The following ST8SIA2 variants were observed in gnomAD, a reference collection of about 807,000 sequenced individuals.
The protein encoded by ST8SIA2 is ST8 alpha-N-acetyl-neuraminide alpha-2,8-sialyltransferase 2, also known as alpha-2,8-sialyltransferase 8B.
In ST8SIA2, 22 loss-of-function variants were observed where a neutral mutation model predicts 37.6. That is an observed-to-expected ratio of 0.58 (90% confidence interval 0.42 to 0.83). The LOEUF (loss-of-function observed/expected upper bound fraction) is 0.83. ST8SIA2 is among the 40% of genes least tolerant of loss of function. The probability of loss-of-function intolerance (pLI) is 0.00; values close to 1 mark genes in which losing one functional copy is unlikely to be tolerated. For synonymous variants in ST8SIA2, 205 were observed against 201.2 expected (o/e 1.02, Z -0.16); for missense variants, 382 against 484.7 (o/e 0.79, Z 1.99).
chr15:92,449,422 T>C (rs891514829), intron 5 of ST8SIA2, among the ~76,000 whole-genome samples: 2 of 152,356 alleles, frequency 1.3e-5, no homozygotes, highest in African/African-American at 4.8e-5. Context: ...TCTGGGCACC[T>C]AGTTTGATTC....
chr15:92,429,943 C>T (rs991340121), intron 1 of ST8SIA2, 106 bp from the exon 2 acceptor site: 2 of 1,232,164 alleles, frequency 1.6e-6, no homozygotes, highest in Non-Finnish European at 2.4e-6. Flanking sequence ...AGGTCTCTTC[C>T]ACCCTCTGTA....
intron 1 of ST8SIA2, among the ~76,000 whole-genome samples, chr15:92,410,006 G>A (rs2049537974): frequency 6.6e-6 from 1 of 152,262 alleles, no homozygotes; most frequent in South Asian, 2.1e-4. Flanking sequence ...GGAGGTGAGA[G>A]TTTCGGGGTC....
intron 1 of ST8SIA2, among the ~76,000 whole-genome samples, chr15:92,402,869 G>GAC (rs759069835): frequency 1.3e-5 from 2 of 150,944 alleles, no homozygotes; most frequent in South Asian, 4.2e-4. Context: ...GAGAGAGAGA[G>GAC]AGACACACTG....
intron 3 of ST8SIA2, among the ~76,000 whole-genome samples, chr15:92,436,986 G>C (rs1419529487): frequency 6.6e-6 from 1 of 152,152 alleles, no homozygotes; most frequent in Non-Finnish European, 1.5e-5. Flanking sequence ...AATACTTAAA[G>C]GTTCCCCAAG....
At chr15:92,416,257 TG>T (rs1210248954) in intron 1 of ST8SIA2, among the ~76,000 whole-genome samples, 1 of 134,968 alleles carries the variant, frequency 7.4e-6, no homozygotes, top group African/African-American at 2.8e-5. Context: ...TGAGGGAGAG[TG>T]GGGAGTGTGG....
rs1429886028 is a variant in ST8SIA2, at chr15:92,466,025, G to A, written c.*1640G>A. The A allele has an allele frequency of 1.4e-4, 22 of 152,192 alleles. No homozygotes were observed. The highest frequency in any genetic ancestry group is 3.2e-4 in the Non-Finnish European group (22 of 68,038). The allele number at this position is 152,192 out of a possible 1,614,324, so 9.4% of individuals were successfully genotyped here. ...AATCAAGACCTGCTCCTAAGCATAT[G>A]AGACCAGATGTAATTAATCAATGGC... On this transcript the variant is annotated 3_prime_UTR_variant, in exon 6 of 6. Coordinates refer to ENST00000268164, the MANE Select transcript of ST8SIA2 (RefSeq NM_006011.4).
chr15:92,400,906 C>T lies in ST8SIA2; in HGVS notation c.98+6744C>T, dbSNP rs186741836. ...GATGCTGGAAACTGAGTGTTAGAGA[C>T]GTTGACAGTAAGAAATGTGAGGTCA... On this transcript the variant is annotated intron_variant, in intron 1 of 5. Coordinates refer to ENST00000268164, the MANE Select transcript of ST8SIA2 (RefSeq NM_006011.4). Among the ~76,000 whole-genome samples the T allele has an allele frequency of 1.1e-3, 168 of 152,302 alleles. 1 individual carries two copies. The highest frequency in any genetic ancestry group is 3.9e-3 in the African/African-American group (161 of 41,564).
intron 5 of ST8SIA2, among the ~76,000 whole-genome samples, chr15:92,457,786 CAGG>C (rs979229099): frequency 5.9e-5 from 9 of 152,324 alleles, no homozygotes; most frequent in Admixed American, 5.9e-4. Context: ...AGACATCGCT[CAGG>C]AGTTCTTGTT....
chr15:92,446,487 A>G (rs972321194), intron 5 of ST8SIA2, among the ~76,000 whole-genome samples: 3 of 152,162 alleles, frequency 2.0e-5, no homozygotes, highest in Non-Finnish European at 4.4e-5. Context: ...GAAAGTGCCA[A>G]TTTGTGTACA....
At chr15:92,418,213 G>C (rs1294787510) in intron 1 of ST8SIA2, among the ~76,000 whole-genome samples, 2 of 151,992 alleles carry the variant, frequency 1.3e-5, no homozygotes, top group African/African-American at 4.8e-5. Flanking sequence ...CAGCAGTTTG[G>C]GAGGCTGAGC....
chr15:92,394,131 G>A lies in ST8SIA2; in HGVS notation c.67G>A (p.Ala23Thr). 2 of 1,560,240 alleles carry A rather than the reference G, an allele frequency of 1.3e-6. No homozygotes were observed. The highest frequency in any genetic ancestry group is 2.4e-5 in the South Asian group (2 of 84,692). ...LTLLVVFLIF[A>T]DISEIEEEIG... is the part of the protein sequence containing the mutation. ...GCTGCTCGTGGTCTTCCTCATCTTC[G>A]CAGACATCTCAGAGATCGAAGAAGA... Residue 23 changes from alanine to threonine, a missense_variant, in exon 1 of 6, where the codon GCA becomes ACA. Physicochemically the swap from Ala to Thr is moderately conservative, Grantham distance 58 (BLOSUM62 0). Transcript: ENST00000268164.
intron 5 of ST8SIA2, among the ~76,000 whole-genome samples, chr15:92,447,896 G>A (rs2049853578): frequency 6.6e-6 from 1 of 152,066 alleles, no homozygotes; most frequent in Non-Finnish European, 1.5e-5. Context: ...CTCATCTCGT[G>A]GACTGTTTAA....
Position 92,394,010 on chromosome 15 carries a change from C to G in ST8SIA2, c.-55C>G, listed in dbSNP as rs188927412. The G allele has an allele frequency of 1.9e-4, 276 of 1,421,002 alleles. 1 individual carries two copies. Among genetic ancestry groups the G allele is most frequent in the African/African-American group, 7.8e-4 (52 of 66,762 alleles). The allele number at this position is 1,421,002 out of a possible 1,614,324, so 88.0% of individuals were successfully genotyped here. On this transcript the variant is annotated 5_prime_UTR_variant, in exon 1 of 6. Coordinates refer to ENST00000268164, the MANE Select transcript of ST8SIA2 (RefSeq NM_006011.4). ...GCTCCGGCGTCCGCCGCTGCGCCCT[C>G]CGGCCCCTGCTCCTCGCGCCGGCCC...
chr15:92,407,226 A>G (rs2049515047), intron 1 of ST8SIA2, among the ~76,000 whole-genome samples: 1 of 152,196 alleles, frequency 6.6e-6, no homozygotes, highest in African/African-American at 2.4e-5. Context: ...GTGGCGATCT[A>G]GCTGGCTGTT....
At chr15:92,421,601 TTAAG>T (rs2141820842) in intron 1 of ST8SIA2, among the ~76,000 whole-genome samples, 1 of 152,322 alleles carries the variant, frequency 6.6e-6, no homozygotes, top group African/African-American at 2.4e-5. Context: ...TCTAGATAGG[TTAAG>T]TAATACTCAA....
At chr15:92,408,614 T>C (rs1292009617) in intron 1 of ST8SIA2, among the ~76,000 whole-genome samples, 3 of 152,142 alleles carry the variant, frequency 2.0e-5, no homozygotes, top group Non-Finnish European at 2.9e-5. Context: ...GAAAAAAATG[T>C]GGTAGGGGCT....
intron 1 of ST8SIA2, among the ~76,000 whole-genome samples, chr15:92,399,229 C>A (rs1046838233): frequency 1.3e-5 from 2 of 152,226 alleles, no homozygotes; most frequent in East Asian, 3.8e-4. Context: ...TATATTTGGG[C>A]ATCTAGGTGT....
intron 5 of ST8SIA2, among the ~76,000 whole-genome samples, chr15:92,458,751 G>T (rs947231246): frequency 6.6e-5 from 10 of 152,204 alleles, no homozygotes; most frequent in African/African-American, 2.4e-4. Context: ...GCTGCCCAGA[G>T]ACAGGGCAAA....
At chr15:92,395,065 C>T (rs1383977268) in intron 1 of ST8SIA2, among the ~76,000 whole-genome samples, 3 of 152,204 alleles carry the variant, frequency 2.0e-5, no homozygotes, top group Non-Finnish European at 2.9e-5. Context: ...GGCTGAGACT[C>T]GCGCCCCGCC....
Sources: allele counts gnomAD v4.1 joint callset (sites outside exome capture counted in the v4.1 genomes callset), GRCh38; gene constraint gnomAD v4.1.1; transcripts MANE v1.5; gene names NCBI Gene and HGNC (gene_info 2026-07-23, HGNC 2026-07-21).